The following ARHGAP32 variants were observed in gnomAD, a reference collection of about 807,000 sequenced individuals.
ARHGAP32 encodes the protein Rho GTPase activating protein 32.
ARHGAP32 carries 51 observed loss-of-function variants against 186.5 expected under a neutral mutation model. That is an observed-to-expected ratio of 0.27 (90% CI 0.22 to 0.35). The LOEUF is 0.35. Ranked by LOEUF, ARHGAP32 falls within the 10% of genes least tolerant of loss-of-function variation. The pLI, the probability that ARHGAP32 is intolerant of heterozygous loss-of-function variation, is 1.00. For missense variants in ARHGAP32, 2,186 were observed against 2,623.5 expected (o/e 0.83, Z 3.64); for synonymous variants, 950 against 964.3 (o/e 0.99, Z 0.27).
intron 1 of ARHGAP32, among the ~76,000 whole-genome samples, chr11:129,228,734 GA>G (rs1214888543): frequency 1.3e-5 from 2 of 152,154 alleles, no homozygotes; most frequent in African/African-American, 2.4e-5. Context: ...AGAGCATCAA[GA>G]TAAGTAGCTA....
At chr11:129,250,638 G>C (rs905397979) in intron 1 of ARHGAP32, among the ~76,000 whole-genome samples, 30 of 152,232 alleles carry the variant, frequency 2.0e-4, no homozygotes, top group Middle Eastern at 3.4e-3. Context: ...ACCATCCAAA[G>C]TGAAACCTTA....
chr11:129,088,254 A>G (rs1307541365), intron 6 of ARHGAP32, among the ~76,000 whole-genome samples: 1 of 152,196 alleles, frequency 6.6e-6, no homozygotes, highest in Non-Finnish European at 1.5e-5. Context: ...TAAAACAAGA[A>G]CTTTAAATGT....
chr11:128,992,066 G>T (rs1170738048), intron 12 of ARHGAP32, among the ~76,000 whole-genome samples: 1 of 152,138 alleles, frequency 6.6e-6, no homozygotes, highest in East Asian at 1.9e-4. Context: ...CATGAGTACA[G>T]TGTGACTTAT....
chr11:129,221,728 G>T (rs1159129740), intron 1 of ARHGAP32, among the ~76,000 whole-genome samples: 1 of 151,812 alleles, frequency 6.6e-6, no homozygotes, highest in Non-Finnish European at 1.5e-5. Context: ...GCCAATAGTG[G>T]GCAAGGGCAG....
chr11:129,084,543 A>G (rs1483754876), intron 6 of ARHGAP32, among the ~76,000 whole-genome samples: 2 of 152,144 alleles, frequency 1.3e-5, no homozygotes, highest in African/African-American at 4.8e-5. Context: ...TAAACAGGCT[A>G]AAGAAGAATA....
rs148118706 is a variant in ARHGAP32 at position 129,217,948 on chromosome 11, T to C, written c.-4-53521A>G. Among the ~76,000 whole-genome samples the C allele has an allele frequency of 5.2e-3, 792 of 152,246 alleles. 4 individuals carry two copies. Among genetic ancestry groups the C allele is most frequent in the South Asian group, 0.011 (52 of 4,830 alleles). On this transcript the variant is annotated intron_variant, in intron 1 of 6. Transcript: ENST00000525234. ...TTTCTTACCTGCAAAATTGGACTAA[T>C]AGGAACAAACTGAGAAGGACACTGG...
At chr11:129,038,888 G>GAAAAAAAAAAAAAA (rs56810685) in intron 11 of ARHGAP32, among the ~76,000 whole-genome samples, 11 of 92,186 alleles carry the variant, frequency 1.2e-4, no homozygotes, top group African/African-American at 2.2e-4. Flanking sequence ...ACCCTGTCTC[G>GAAAAAAAAAAAAAA]AAAAAAAAAA....
chr11:129,153,063 A>G (rs1943324317), intron 2 of ARHGAP32, among the ~76,000 whole-genome samples: 1 of 152,148 alleles, frequency 6.6e-6, no homozygotes, highest in African/African-American at 2.4e-5. Flanking sequence ...ATTAATATAC[A>G]TAAATCTGTA....
chr11:128,978,843 T>G lies in ARHGAP32; in HGVS notation c.2049A>C (p.Ser683=), dbSNP rs908564506. ...GCAGCTTTCGTTTAGAAACAGATGA[T>G]GATTTCCCCAAGTTGAAAAAGGAAC... ...SWRSFFNLGK[S]SSVSKRKLQR... The change falls in exon 19 of 23, where the codon TCA becomes TCC. Residue 683 remains serine (S), a synonymous_variant. Transcript: ENST00000682385. The G allele has an allele frequency of 6.2e-7, 1 of 1,613,134 alleles. No individual in the cohort carries two copies. Among genetic ancestry groups the G allele is most frequent in the African/African-American group, 1.3e-5 (1 of 74,912 alleles).
intron 1 of ARHGAP32, among the ~76,000 whole-genome samples, chr11:129,173,028 T>A (rs1943804183): frequency 2.0e-5 from 3 of 149,574 alleles, no homozygotes; most frequent in Admixed American, 1.3e-4. Flanking sequence ...GGCTGTTTTT[T>A]TGAAAAAACA....
At chr11:129,018,515 A>T (rs1938456756) in intron 11 of ARHGAP32, among the ~76,000 whole-genome samples, 1 of 152,236 alleles carries the variant, frequency 6.6e-6, no homozygotes, top group Non-Finnish European at 1.5e-5. Context: ...GTAAAACTAA[A>T]CTTATCTTTA....
chr11:129,130,183 C>T (rs1942777465), intron 2 of ARHGAP32, among the ~76,000 whole-genome samples: 1 of 152,060 alleles, frequency 6.6e-6, no homozygotes, highest in Non-Finnish European at 1.5e-5. Context: ...AAAAGGCCCA[C>T]ACGTATACGA....
At chr11:129,232,096 C>G (rs546625755) in intron 1 of ARHGAP32, among the ~76,000 whole-genome samples, 1 of 149,176 alleles carries the variant, frequency 6.7e-6, no homozygotes, top group African/African-American at 2.5e-5. Context: ...CTTCTCTGTT[C>G]CCATTTCTTC....
chr11:129,055,661 G>C (rs377160563), intron 10 of ARHGAP32, among the ~76,000 whole-genome samples: 19 of 152,196 alleles, frequency 1.2e-4, no homozygotes, highest in African/African-American at 4.6e-4. Flanking sequence ...ATATTACTAA[G>C]TAAAAGAAGC....
At chr11:129,248,149 A>G (rs540245743) in intron 1 of ARHGAP32, among the ~76,000 whole-genome samples, 1 of 151,790 alleles carries the variant, frequency 6.6e-6, no homozygotes, top group Admixed American at 6.6e-5. Flanking sequence ...CATCTCTACT[A>G]AAAATACAAA....
chr11:129,117,610 T>C (rs547876559), intron 5 of ARHGAP32, among the ~76,000 whole-genome samples: 4 of 152,136 alleles, frequency 2.6e-5, no homozygotes, highest in African/African-American at 2.4e-5. Flanking sequence ...ATTAAATTCA[T>C]ACTTTTCCTA....
chr11:129,007,528 G>T (rs559293226), intron 11 of ARHGAP32, among the ~76,000 whole-genome samples: 1 of 152,012 alleles, frequency 6.6e-6, no homozygotes, highest in African/African-American at 2.4e-5. Context: ...AGCTAGGCTA[G>T]AATGGGGGCC....
At chr11:129,238,214 T>G (rs1944962979) in intron 1 of ARHGAP32, among the ~76,000 whole-genome samples, 1 of 152,198 alleles carries the variant, frequency 6.6e-6, no homozygotes, top group Non-Finnish European at 1.5e-5. Flanking sequence ...TTATAGTCCT[T>G]GCAAACTTTG....
At chr11:129,121,336 A>G (rs769298861) in intron 5 of ARHGAP32, among the ~76,000 whole-genome samples, 5 of 152,084 alleles carry the variant, frequency 3.3e-5, no homozygotes, top group Non-Finnish European at 7.4e-5. Context: ...GTTAATGGAA[A>G]CTAATGTTTT....
Sources: gnomAD v4.1 joint callset for allele counts (sites outside exome capture counted in the v4.1 genomes callset) on GRCh38, gnomAD v4.1.1 for gene constraint, MANE v1.5 for transcripts, NCBI Gene and HGNC (gene_info 2026-07-23, HGNC 2026-07-21) for gene names.